Variants in RUNX2 observed in about 807,000 individuals in gnomAD.
RUNX2 encodes RUNX family transcription factor 2, also known as runt-related transcription factor 2.
A neutral mutation model predicts 51.7 loss-of-function variants in RUNX2; 10 were observed. That is an observed-to-expected ratio of 0.19 (90% CI 0.12 to 0.33). RUNX2 has a LOEUF of 0.33. RUNX2 is among the 10% of genes least tolerant of loss of function. The pLI is 1.00. For synonymous variants in RUNX2, 276 were observed against 273.6 expected (o/e 1.01, Z -0.09); for missense variants, 562 against 691.3 (o/e 0.81, Z 2.10).
chr6:45,482,354 C>G (rs547405697), intron 5 of RUNX2, among the ~76,000 whole-genome samples: 1 of 152,202 alleles, frequency 6.6e-6, no homozygotes, highest in Non-Finnish European at 1.5e-5. Flanking sequence ...CTGATATTGG[C>G]GTAGCCTGAT....
intron 5 of RUNX2, among the ~76,000 whole-genome samples, chr6:45,490,382 G>A (rs569024021): frequency 9.8e-5 from 15 of 152,304 alleles, no homozygotes; most frequent in African/African-American, 3.1e-4. Flanking sequence ...AAATAGGGTG[G>A]TGGGTGCATT....
intron 2 of RUNX2, among the ~76,000 whole-genome samples, chr6:45,330,184 T>C (rs556418886): frequency 6.6e-6 from 1 of 151,930 alleles, no homozygotes; most frequent in African/African-American, 2.4e-5. Context: ...TCAGTTATAA[T>C]ATATACAATA....
chr6:45,432,585 T>A (rs1280782633), intron 4 of RUNX2, among the ~76,000 whole-genome samples: 3 of 152,192 alleles, frequency 2.0e-5, no homozygotes, highest in Non-Finnish European at 4.4e-5. Flanking sequence ...TATGTAAGGT[T>A]GCCTAGACAG....
chr6:45,422,979 C>G, intron 3 of RUNX2, 22 bp downstream of exon 3: 1 of 1,604,250 alleles, frequency 6.2e-7, no homozygotes, highest in Non-Finnish European at 8.5e-7. Flanking sequence ...CACCGCCCCC[C>G]GCCCCCGGCC....
At chr6:45,404,079 G>A (rs529987584) in intron 2 of RUNX2, among the ~76,000 whole-genome samples, 2 of 151,856 alleles carry the variant, frequency 1.3e-5, no homozygotes, top group African/African-American at 4.8e-5. Context: ...GACCAATATG[G>A]TGAAACCGTA....
chr6:45,437,878 A>G (rs1582111585), intron 4 of RUNX2, 69 bp from the exon 5 acceptor site: 2 of 1,136,920 alleles, frequency 1.8e-6, no homozygotes, highest in South Asian at 1.2e-5. Flanking sequence ...TTGGAAATCT[A>G]TGCTGCTGTG....
In RUNX2 at chr6:45,468,673, C is replaced by A. The variant is rs140319263; in HGVS notation, c.686-23268C>A. On this transcript the variant is annotated intron_variant, in intron 5 of 8. Coordinates refer to ENST00000647337, the MANE Select transcript of RUNX2 (RefSeq NM_001024630.4). ...TATTTAAGTAGAACTAGGTTCTAGG[C>A]TCAGGTAATTATAACCAGATTTTTT... Among the ~76,000 whole-genome samples, 868 of 152,296 alleles carry A rather than the reference C, an allele frequency of 5.7e-3. 11 individuals are homozygous for A. Among genetic ancestry groups the A allele is most frequent in the African/African-American group, 0.019 (807 of 41,556 alleles).
intron 2 of RUNX2, among the ~76,000 whole-genome samples, chr6:45,420,501 A>G (rs1321392416): frequency 3.9e-5 from 6 of 152,250 alleles, no homozygotes; most frequent in Admixed American, 3.9e-4. Flanking sequence ...GGCGTGAGAG[A>G]TGACCCAACC....
chr6:45,379,054 C>A (rs1024298686), intron 2 of RUNX2, among the ~76,000 whole-genome samples: 1 of 151,498 alleles, frequency 6.6e-6, no homozygotes, highest in South Asian at 2.1e-4. Flanking sequence ...TCCCTTCCTT[C>A]TATTTGCTTA....
chr6:45,479,684 G>A (rs193227833), intron 5 of RUNX2, among the ~76,000 whole-genome samples: 1 of 152,324 alleles, frequency 6.6e-6, no homozygotes, highest in East Asian at 1.9e-4. Flanking sequence ...AATTCAGCAT[G>A]AAGCCAGCAG....
chr6:45,527,333 A>G (rs1801701045), intron 7 of RUNX2, among the ~76,000 whole-genome samples: 1 of 152,246 alleles, frequency 6.6e-6, no homozygotes, highest in African/African-American at 2.4e-5. Context: ...GATTTTAAGC[A>G]GGGTCTTGAT....
intron 5 of RUNX2, among the ~76,000 whole-genome samples, chr6:45,443,137 C>G (rs765456608): frequency 4.9e-5 from 7 of 143,310 alleles, no homozygotes; most frequent in Non-Finnish European, 9.0e-5. Context: ...ACCTCAAACT[C>G]CTGGGCTCAA....
intron 6 of RUNX2, among the ~76,000 whole-genome samples, chr6:45,498,172 T>G (rs1800701645): frequency 6.6e-6 from 1 of 152,154 alleles, no homozygotes; most frequent in Non-Finnish European, 1.5e-5. Context: ...AGCTGAAAGG[T>G]ACTTTTATCA....
chr6:45,476,312 C>T (rs541367550), intron 5 of RUNX2, among the ~76,000 whole-genome samples: 44 of 152,212 alleles, frequency 2.9e-4, no homozygotes, highest in Non-Finnish European at 1.3e-4. Context: ...AGCTATACTG[C>T]CCCATGAGAT....
At chr6:45,449,337 T>G in intron 5 of RUNX2, among the ~76,000 whole-genome samples, 1 of 152,202 alleles carries the variant, frequency 6.6e-6, no homozygotes, top group East Asian at 1.9e-4. Context: ...CAATTAGTAA[T>G]TATGTAGCGC....
At chr6:45,424,837 C>T (rs1396470484) in intron 3 of RUNX2, among the ~76,000 whole-genome samples, 1 of 151,742 alleles carries the variant, frequency 6.6e-6, no homozygotes, top group Non-Finnish European at 1.5e-5. Flanking sequence ...TTTTTTTAAC[C>T]GTCACATTTC....
chr6:45,543,036 T>C (rs529336008), intron 7 of RUNX2, among the ~76,000 whole-genome samples: 195 of 152,356 alleles, frequency 1.3e-3, no homozygotes, highest in Non-Finnish European at 2.6e-3. Flanking sequence ...GATCATAGCC[T>C]AAAGCTTTAC....
chr6:45,442,072 T>C (rs985427693), intron 5 of RUNX2, among the ~76,000 whole-genome samples: 11 of 152,240 alleles, frequency 7.2e-5, no homozygotes, highest in Admixed American at 6.5e-4. Context: ...TATGGCATCA[T>C]TGATGTTTTT....
intron 5 of RUNX2, among the ~76,000 whole-genome samples, chr6:45,471,671 C>T (rs1372459041): frequency 6.6e-6 from 1 of 152,104 alleles, no homozygotes. Context: ...GTCTTGATCT[C>T]CTGACCTCGT....
Sources: gnomAD v4.1 joint callset for allele counts (sites outside exome capture counted in the v4.1 genomes callset) on GRCh38, gnomAD v4.1.1 for gene constraint, MANE v1.5 for transcripts, NCBI Gene and HGNC (gene_info 2026-07-23, HGNC 2026-07-21) for gene names.